The following ANO10 variants were observed in gnomAD, a reference collection of about 807,000 sequenced individuals.
ANO10 encodes anoctamin 10, also known as anoctamin-10.
Under a neutral mutation model 74.7 loss-of-function variants are expected in ANO10, and 77 were observed. The ratio of observed to expected loss-of-function variants is 1.03; its 90% CI spans 0.86 to 1.25. ANO10 has a LOEUF of 1.25. Among genes scored for constraint, ANO10 ranks in the 50% most tolerant of loss-of-function variants. ANO10 has a pLI of 0.00. For missense variants in ANO10, 721 were observed against 778.1 expected, an observed-to-expected ratio of 0.93 and a Z score of 0.87; for synonymous variants, 279 against 284.9, an observed-to-expected ratio of 0.98 and a Z score of 0.21.
chr3:43,591,036 G>C (rs932062906), intron 4 of ANO10, among the ~76,000 whole-genome samples: 1 of 152,186 alleles, frequency 6.6e-6, no homozygotes, highest in Non-Finnish European at 1.5e-5. Flanking sequence ...GACAATGATC[G>C]GGATATAAAC....
chr3:43,398,614 C>T (rs12634274), intron 12 of ANO10, among the ~76,000 whole-genome samples: 140,139 of 152,278 alleles, frequency 0.92, 64,729 homozygotes, highest in Non-Finnish European at 0.96. Context: ...CCAGTAACTG[C>T]TGCAGTCTGC....
chr3:43,587,671 GA>G (rs1417512534), intron 4 of ANO10, among the ~76,000 whole-genome samples: 4 of 152,134 alleles, frequency 2.6e-5, no homozygotes, highest in Non-Finnish European at 5.9e-5. Context: ...TATGGGGAAG[GA>G]AAGGAAGTTA....
intron 1 of ANO10, among the ~76,000 whole-genome samples, chr3:43,686,331 C>T (rs1482823851): frequency 6.6e-6 from 1 of 152,098 alleles, no homozygotes; most frequent in Non-Finnish European, 1.5e-5. Flanking sequence ...TGTCATCCAG[C>T]CTGGGGTACA....
intron 12 of ANO10, among the ~76,000 whole-genome samples, chr3:43,383,646 C>T (rs1186044731): frequency 1.3e-5 from 2 of 152,022 alleles, no homozygotes; most frequent in African/African-American, 4.8e-5. Flanking sequence ...AAATGTGATA[C>T]ACCACATAAA....
At chr3:43,683,079 A>G (rs1364453758) in intron 1 of ANO10, among the ~76,000 whole-genome samples, 1 of 152,226 alleles carries the variant, frequency 6.6e-6, no homozygotes, top group African/African-American at 2.4e-5. Context: ...AGTTCTGGCC[A>G]GGGCAATCAG....
intron 1 of ANO10, among the ~76,000 whole-genome samples, chr3:43,629,906 A>G (rs1469314980): frequency 2.6e-5 from 4 of 152,240 alleles, no homozygotes; most frequent in Admixed American, 6.5e-5. Flanking sequence ...ACAGAAAATG[A>G]TATTTGATGC....
At chr3:43,586,509 G>C (rs760625934) in intron 4 of ANO10, among the ~76,000 whole-genome samples, 1 of 151,930 alleles carries the variant, frequency 6.6e-6, no homozygotes, top group African/African-American at 2.4e-5. Flanking sequence ...AAAATGGCCA[G>C]TCCAGGAAAA....
chr3:43,405,718 C>G (rs2092564233), intron 12 of ANO10, among the ~76,000 whole-genome samples: 1 of 152,176 alleles, frequency 6.6e-6, no homozygotes, highest in African/African-American at 2.4e-5. Context: ...AAGTGATCTA[C>G]CCACCTCAGT....
rs114789662 is a variant in ANO10, at chr3:43,610,184, G to A, written c.-11-4321C>T. Reference sequence around the variant, plus strand: ...ACTAAGACACAAATACATTAACCTAGATCTACACAGGGTCAGGATCATCAA... The same window carrying A: ...ACTAAGACACAAATACATTAACCTAAATCTACACAGGGTCAGGATCATCAA... On this transcript the variant is annotated intron_variant, in intron 1 of 12. Coordinates refer to ENST00000292246, the MANE Select transcript of ANO10 (RefSeq NM_018075.5). Among the ~76,000 whole-genome samples the A allele has an allele frequency of 5.7e-3, 870 of 151,800 alleles. 9 individuals carry two copies. The highest frequency in any genetic ancestry group is 0.02 in the African/African-American group (808 of 41,380).
chr3:43,627,836 T>G (rs1363262270), intron 1 of ANO10, among the ~76,000 whole-genome samples: 1 of 152,136 alleles, frequency 6.6e-6, no homozygotes, highest in African/African-American at 2.4e-5. Context: ...TTTTGGTATA[T>G]TAATATTATA....
At chr3:43,649,845 C>T (rs1049823144) in intron 1 of ANO10, among the ~76,000 whole-genome samples, 1 of 152,172 alleles carries the variant, frequency 6.6e-6, no homozygotes, top group Non-Finnish European at 1.5e-5. Flanking sequence ...CACTGCTGCT[C>T]AAATCCCTTA....
intron 1 of ANO10, among the ~76,000 whole-genome samples, chr3:43,684,989 A>G (rs2084256672): frequency 6.6e-6 from 1 of 152,226 alleles, no homozygotes; most frequent in Admixed American, 6.5e-5. Flanking sequence ...TTAAACGAAG[A>G]GTTAATGGGT....
chr3:43,494,480 T>C (rs2076844564), intron 11 of ANO10, among the ~76,000 whole-genome samples: 1 of 151,994 alleles, frequency 6.6e-6, no homozygotes, highest in Non-Finnish European at 1.5e-5. Context: ...AATGAATAAA[T>C]AAATAAATAG....
chr3:43,380,814 CATGTT>C (rs1223576932), intron 12 of ANO10, among the ~76,000 whole-genome samples: 1 of 152,132 alleles, frequency 6.6e-6, no homozygotes, highest in East Asian at 1.9e-4. Flanking sequence ...CAACAAATAG[CATGTT>C]GAATAGAATA....
chr3:43,419,669 C>T (rs1208836026), intron 12 of ANO10, among the ~76,000 whole-genome samples: 1 of 152,026 alleles, frequency 6.6e-6, no homozygotes, highest in Non-Finnish European at 1.5e-5. Flanking sequence ...CTGTGCACCA[C>T]CATGGCTGGC....
chr3:43,473,113 G>A (rs1469498551), intron 11 of ANO10, among the ~76,000 whole-genome samples: 1 of 151,936 alleles, frequency 6.6e-6, no homozygotes, highest in Non-Finnish European at 1.5e-5. Context: ...GCAAATCAGT[G>A]TGTTGTGAAA....
At chr3:43,553,201 C>T (rs974255647) in intron 10 of ANO10, among the ~76,000 whole-genome samples, 13 of 152,094 alleles carry the variant, frequency 8.5e-5, no homozygotes, top group African/African-American at 2.9e-4. Context: ...ATTGTTTTCC[C>T]CCTATAGGTA....
chr3:43,416,869 CA>C (rs1450462041), intron 12 of ANO10, among the ~76,000 whole-genome samples: 1 of 152,200 alleles, frequency 6.6e-6, no homozygotes, highest in Non-Finnish European at 1.5e-5. Context: ...TGCAATGGAT[CA>C]AAAGACGAGT....
intron 11 of ANO10, among the ~76,000 whole-genome samples, chr3:43,492,536 T>A (rs1239729645): frequency 2.0e-5 from 3 of 152,122 alleles, no homozygotes; most frequent in African/African-American, 7.2e-5. Flanking sequence ...TTTGCAATCT[T>A]TCCATCTGAC....
Sources: gnomAD v4.1 joint callset for allele counts (sites outside exome capture counted in the v4.1 genomes callset) on GRCh38, gnomAD v4.1.1 for gene constraint, MANE v1.5 for transcripts, NCBI Gene and HGNC (gene_info 2026-07-23, HGNC 2026-07-21) for gene names.